Variants in PRDX4 observed in about 807,000 individuals in gnomAD.
The protein encoded by PRDX4 is peroxiredoxin-4.
A neutral mutation model predicts 20.5 loss-of-function variants in PRDX4; 12 were observed. The observed-to-expected ratio is 0.58, with a 90% CI of 0.37 to 0.95. PRDX4 has a LOEUF of 0.95. PRDX4 is among the 40% of genes least tolerant of loss of function. The pLI is 0.01. For synonymous variants in PRDX4, 99 were observed against 87.5 expected (o/e 1.13, Z -0.73); for missense variants, 180 against 207.3 (o/e 0.87, Z 0.81).
chrX:23,670,631 G>A (rs749281000), intron 1 of PRDX4, among the ~76,000 whole-genome samples: 6 of 112,343 alleles, frequency 5.3e-5, no homozygotes, highest in Non-Finnish European at 9.4e-5. Flanking sequence ...AACAGAGCAT[G>A]AAGGTGCATT....
intron 1 of PRDX4, chrX:23,671,270 T>C (rs3795226): frequency 0.17 from 45,017 of 266,133 alleles, 3,081 homozygotes; most frequent in African/African-American, 0.24. Flanking sequence ...TGAAGTGTTA[T>C]AGAGCACATG....
In PRDX4 at chrX:23,675,923, G is replaced by A. The variant is rs759083465; in HGVS notation, c.476+817G>A. On this transcript the variant is annotated intron_variant, in intron 3 of 6. Coordinates refer to ENST00000379341, the MANE Select transcript of PRDX4 (RefSeq NM_006406.2). ...GCAGGCAGATCACCTGAGGTCGGGA[G>A]TTCGAGACCAGCCTGACCAACATGG... Among the ~76,000 whole-genome samples, 5 of 110,848 alleles carry A rather than the reference G, an allele frequency of 4.5e-5. No individual in the cohort carries two copies. In the East Asian group the frequency reaches 1.4e-3, roughly 31 times the overall value.
At chrX:23,674,739 A>T (rs1305385089) in intron 2 of PRDX4, among the ~76,000 whole-genome samples, 4 of 112,165 alleles carry the variant, frequency 3.6e-5, no homozygotes, top group Non-Finnish European at 7.5e-5. Context: ...ACATTGGTTG[A>T]CTACTGATCT....
At chrX:23,668,132 G>C (rs1356750414) in intron 1 of PRDX4, among the ~76,000 whole-genome samples, 2 of 112,745 alleles carry the variant, frequency 1.8e-5, no homozygotes, top group Admixed American at 1.9e-4. Flanking sequence ...ACATCTCAAA[G>C]TGCCTTCAGC....
intron 2 of PRDX4, among the ~76,000 whole-genome samples, chrX:23,673,617 G>A (rs1053700456): frequency 2.7e-5 from 3 of 110,325 alleles, no homozygotes; most frequent in Non-Finnish European, 3.8e-5. Flanking sequence ...TTACCCGGGC[G>A]TGGTGGTGGG....
intron 4 of PRDX4, among the ~76,000 whole-genome samples, chrX:23,682,104 TA>T (rs1344490638): frequency 2.7e-5 from 3 of 112,487 alleles, no homozygotes; most frequent in African/African-American, 3.2e-5. Flanking sequence ...ACATAGTTTT[TA>T]AAGGTCAGAT....
At chrX:23,675,128 T>A in intron 3 of PRDX4, 22 bp downstream of exon 3, 1 of 1,211,025 alleles carries the variant, frequency 8.3e-7, no homozygotes, top group Non-Finnish European at 1.1e-6. Flanking sequence ...ACACTTATAT[T>A]CGTAGAAAAA....
At chrX:23,676,432 C>T (rs1219662341) in intron 3 of PRDX4, among the ~76,000 whole-genome samples, 1 of 110,623 alleles carries the variant, frequency 9.0e-6, no homozygotes, top group Non-Finnish European at 1.9e-5. Flanking sequence ...TCTAATATGC[C>T]AAATTCTCTT....
chrX:23,675,296 A>T, intron 3 of PRDX4, 190 bp downstream of exon 3: 1 of 860,338 alleles, frequency 1.2e-6, no homozygotes, highest in East Asian at 3.5e-5. Context: ...TAATATAATC[A>T]GCTGCTATAA....
intron 3 of PRDX4, among the ~76,000 whole-genome samples, chrX:23,676,067 G>A (rs1030345966): frequency 4.8e-5 from 5 of 103,927 alleles, no homozygotes; most frequent in African/African-American, 1.8e-4. Flanking sequence ...GGTGGAGGTT[G>A]CAGTGAGCCG....
intron 1 of PRDX4, 129 bp downstream of exon 1, chrX:23,667,940 T>A: frequency 1.0e-6 from 1 of 986,284 alleles, no homozygotes; most frequent in Non-Finnish European, 1.4e-6. Context: ...GGCCTGGTTC[T>A]CACCTAGGAG....
At chrX:23,676,635 A>T (rs1601791026) in intron 3 of PRDX4, among the ~76,000 whole-genome samples, 1 of 108,564 alleles carries the variant, frequency 9.2e-6, no homozygotes, top group East Asian at 2.9e-4. Flanking sequence ...TACAAAAAAT[A>T]AAAAAAATTA....
At chrX:23,669,288 T>C (rs1472951157) in intron 1 of PRDX4, among the ~76,000 whole-genome samples, 1 of 112,034 alleles carries the variant, frequency 8.9e-6, no homozygotes, top group African/African-American at 3.3e-5. Flanking sequence ...GTCCCACTGG[T>C]TTTACTTGCC....
intron 5 of PRDX4, among the ~76,000 whole-genome samples, chrX:23,682,849 AAAAAATATAT>A (rs1928107417): frequency 2.5e-5 from 1 of 39,267 alleles, no homozygotes; most frequent in Admixed American, 3.2e-4. Flanking sequence ...AAAAAAAAAA[AAAAAATATAT>A]ATATATATAT....
intron 1 of PRDX4, among the ~76,000 whole-genome samples, chrX:23,668,246 T>C (rs895227806): frequency 5.3e-5 from 6 of 112,583 alleles, no homozygotes; most frequent in African/African-American, 1.9e-4. Flanking sequence ...CTAAACACAG[T>C]GCTCGGGAGG....
intron 3 of PRDX4, among the ~76,000 whole-genome samples, chrX:23,676,366 T>A (rs1927949929): frequency 9.0e-6 from 1 of 111,167 alleles, no homozygotes; most frequent in Admixed American, 9.7e-5. Context: ...TTTAATATAT[T>A]TGAATTCCTT....
At chrX:23,682,556 T>G in intron 5 of PRDX4, 30 bp downstream of exon 5, 1 of 1,072,750 alleles carries the variant, frequency 9.3e-7, no homozygotes, top group Non-Finnish European at 1.2e-6. Flanking sequence ...TTTTGATTTT[T>G]TAGTTTGAAA....
chrX:23,667,534 C>G lies in PRDX4; in HGVS notation c.-37C>G, dbSNP rs1295347575. 8.8e-7 allele frequency: 1 copy of G among 1,140,581 alleles called. No homozygotes were observed. Among genetic ancestry groups the G allele is most frequent in the African/African-American group, 1.8e-5 (1 of 55,468 alleles). 94.0% of individuals were successfully genotyped at this position (1,140,581 alleles called of 1,213,427 possible). A position where few individuals can be genotyped will look rare whatever the true frequency, so the allele number is the denominator to read the frequency against. ...CTGCCCGGCGGCGGCAGAAGCGGCG[C>G]TCGCGCCAAGGGACGTGTTTCTGCG... On this transcript the variant is annotated 5_prime_UTR_variant, in exon 1 of 7. Transcript: ENST00000379341.
chrX:23,677,342 G>A (rs113833582), intron 3 of PRDX4, among the ~76,000 whole-genome samples: 1,130 of 111,343 alleles, frequency 0.01, 9 homozygotes, highest in African/African-American at 0.024. Flanking sequence ...CAGATTGAGC[G>A]TCCCTAACCT....
Sources: allele counts gnomAD v4.1 joint callset (sites outside exome capture counted in the v4.1 genomes callset), GRCh38; gene constraint gnomAD v4.1.1; transcripts MANE v1.5; gene names NCBI Gene and HGNC (gene_info 2026-07-23, HGNC 2026-07-21).